Variants in INTS9 observed in about 807,000 individuals in gnomAD.
INTS9 encodes the protein integrator complex subunit 9, also known as protein related to CPSF subunits of 74 kDa.
In INTS9, 55 loss-of-function variants were observed where a neutral mutation model predicts 79.7. That is an observed-to-expected ratio of 0.69 (90% confidence interval 0.56 to 0.86). The LOEUF (loss-of-function observed/expected upper bound fraction) is 0.86. Ranked by LOEUF, INTS9 falls within the 40% of genes least tolerant of loss-of-function variation. The pLI is 0.00. For missense variants in INTS9, 721 were observed against 831.5 expected (o/e 0.87, Z 1.64); for synonymous variants, 319 against 325.2 (o/e 0.98, Z 0.20).
chr8:28,884,044 T>A (rs1321270137), intron 1 of INTS9, among the ~76,000 whole-genome samples: 2 of 152,050 alleles, frequency 1.3e-5, no homozygotes, highest in Non-Finnish European at 2.9e-5. Flanking sequence ...ACCGTGGTTA[T>A]AGCAAGAGTA....
At chr8:28,882,601 T>C (rs1240379424) in intron 1 of INTS9, among the ~76,000 whole-genome samples, 1 of 146,814 alleles carries the variant, frequency 6.8e-6, no homozygotes, top group African/African-American at 2.5e-5. Context: ...GAGACTCTGA[T>C]TAAGCCATAA....
At chr8:28,777,759 A>C (rs1585333266) in intron 13 of INTS9, 70 bp downstream of exon 13, 3 of 1,497,216 alleles carry the variant, frequency 2.0e-6, no homozygotes, top group Middle Eastern at 2.1e-4. Context: ...CTCTCCCCTC[A>C]CCCCACACAA....
intron 1 of INTS9, among the ~76,000 whole-genome samples, chr8:28,882,494 TAAA>T (rs1169421320): frequency 2.5e-5 from 1 of 39,608 alleles, no homozygotes; most frequent in Non-Finnish European, 5.7e-5. Context: ...TAAAATAAAA[TAAA>T]AAAAAAAGAA....
At chr8:28,776,009 C>T in intron 13 of INTS9, 83 bp from the exon 14 acceptor site, 3 of 1,118,776 alleles carry the variant, frequency 2.7e-6, no homozygotes, top group Non-Finnish European at 2.4e-6. Flanking sequence ...CCCCGATCCA[C>T]TCCCCGCCAT....
chr8:28,850,774 A>G lies in INTS9; in HGVS notation c.138-501T>C, dbSNP rs560262223. On this transcript the variant is annotated intron_variant, in intron 2 of 16. Transcript: ENST00000521022. Reference sequence around the variant, plus strand: ...AGTCCAATCCACGCTTTGGGTTCACAGCTTTACAAGTGGATTAGTCACCTG... The same window carrying G: ...AGTCCAATCCACGCTTTGGGTTCACGGCTTTACAAGTGGATTAGTCACCTG... 7.7e-4 allele frequency among the ~76,000 whole-genome samples: 118 copies of G among 152,340 alleles called. 1 individual carries two copies. The highest frequency in any genetic ancestry group is 1.8e-3 in the Admixed American group (27 of 15,300).
At chr8:28,795,036 AAAAC>A (rs766362991) in intron 9 of INTS9, among the ~76,000 whole-genome samples, 61 of 152,256 alleles carry the variant, frequency 4.0e-4, no homozygotes, top group Non-Finnish European at 7.6e-4. Context: ...TCAAAGAACA[AAAAC>A]AGACTATGTT....
chr8:28,801,572 C>A (rs1242786738), intron 8 of INTS9, among the ~76,000 whole-genome samples: 3 of 151,948 alleles, frequency 2.0e-5, no homozygotes, highest in Admixed American at 2.0e-4. Flanking sequence ...AAGATATTTT[C>A]TTTAGATTTA....
At chr8:28,876,120 G>A (rs771108551) in intron 1 of INTS9, among the ~76,000 whole-genome samples, 42 of 152,044 alleles carry the variant, frequency 2.8e-4, no homozygotes, top group African/African-American at 9.2e-4. Flanking sequence ...CAGATTGATT[G>A]TTTACATTTC....
intron 1 of INTS9, among the ~76,000 whole-genome samples, chr8:28,868,450 G>GTT (rs200079512): frequency 8.1e-5 from 12 of 148,818 alleles, no homozygotes; most frequent in African/African-American, 3.0e-4. Context: ...TAAAGAAACT[G>GTT]TTTTTTTTTT....
intron 6 of INTS9, among the ~76,000 whole-genome samples, chr8:28,824,299 C>A (rs1389057047): frequency 1.3e-5 from 2 of 152,164 alleles, no homozygotes; most frequent in Non-Finnish European, 2.9e-5. Context: ...TCCTCCTTCC[C>A]CCAACTTTAA....
At chr8:28,770,906 T>C in intron 15 of INTS9, 76 bp downstream of exon 15, 1 of 1,021,862 alleles carries the variant, frequency 9.8e-7, no homozygotes, top group Non-Finnish European at 1.5e-6. Flanking sequence ...AAGCGCTATT[T>C]CAAATATAAT....
At chr8:28,779,685 TCC>T (rs1341723004) in intron 12 of INTS9, among the ~76,000 whole-genome samples, 2 of 151,980 alleles carry the variant, frequency 1.3e-5, no homozygotes, top group African/African-American at 4.8e-5. Context: ...CCAGCCGGAG[TCC>T]TGCAAGGTCT....
At chr8:28,791,660 T>G (rs1211142330) in intron 10 of INTS9, among the ~76,000 whole-genome samples, 1 of 152,172 alleles carries the variant, frequency 6.6e-6, no homozygotes. Flanking sequence ...TCCATCAGAT[T>G]ACTTCCGAGT....
intron 1 of INTS9, among the ~76,000 whole-genome samples, chr8:28,877,982 A>G (rs1809486146): frequency 6.6e-6 from 1 of 152,150 alleles, no homozygotes; most frequent in Admixed American, 6.6e-5. Flanking sequence ...CATTGTTCAG[A>G]AAAAAGTATC....
chr8:28,856,470 G>C (rs1808167201), intron 2 of INTS9, among the ~76,000 whole-genome samples: 1 of 152,010 alleles, frequency 6.6e-6, no homozygotes, highest in Non-Finnish European at 1.5e-5. Context: ...CACCCAAGCT[G>C]GAGTGCGGTG....
At chr8:28,799,653 G>T (rs1284997172) in intron 8 of INTS9, among the ~76,000 whole-genome samples, 2 of 152,196 alleles carry the variant, frequency 1.3e-5, no homozygotes, top group Non-Finnish European at 2.9e-5. Context: ...TGGTGTCAAT[G>T]ACCACTCAAT....
intron 1 of INTS9, among the ~76,000 whole-genome samples, chr8:28,879,888 T>C (rs1430793863): frequency 1.3e-5 from 2 of 152,158 alleles, no homozygotes; most frequent in African/African-American, 4.8e-5. Flanking sequence ...GACTCGTGGT[T>C]GCCGAGGCCT....
chr8:28,865,340 C>T (rs982217578), intron 1 of INTS9, among the ~76,000 whole-genome samples: 2 of 151,666 alleles, frequency 1.3e-5, no homozygotes, highest in East Asian at 3.9e-4. Context: ...ACCTAGAAGC[C>T]TATTTAGAAA....
At chr8:28,880,171 G>C (rs1316791148) in intron 1 of INTS9, among the ~76,000 whole-genome samples, 2 of 152,080 alleles carry the variant, frequency 1.3e-5, no homozygotes, top group African/African-American at 4.8e-5. Context: ...TATAAAGCTA[G>C]AATATCTCAT....
Sources: gnomAD v4.1 joint callset for allele counts (sites outside exome capture counted in the v4.1 genomes callset) on GRCh38, gnomAD v4.1.1 for gene constraint, MANE v1.5 for transcripts, NCBI Gene and HGNC (gene_info 2026-07-23, HGNC 2026-07-21) for gene names.